Variants in TAS1R2 observed in about 807,000 individuals in gnomAD.
TAS1R2 encodes taste 1 receptor member 2.
Under a neutral mutation model 49.3 loss-of-function variants are expected in TAS1R2, and 47 were observed. The observed-to-expected ratio is 0.95, with a 90% confidence interval of 0.75 to 1.22. The LOEUF (loss-of-function observed/expected upper bound fraction) is 1.22, where lower values mean the gene tolerates loss of function less well. Among genes scored for constraint, TAS1R2 ranks in the 50% most tolerant of loss-of-function variants. TAS1R2 has a pLI of 0.00. For synonymous variants in TAS1R2, 479 were observed against 467.9 expected (o/e 1.02, Z -0.31); for missense variants, 1,155 against 1,122.1 (o/e 1.03, Z -0.42).
chr1:18,845,579 C>T (rs1933903586), intron 4 of TAS1R2, among the ~76,000 whole-genome samples: 1 of 152,200 alleles, frequency 6.6e-6, no homozygotes, highest in African/African-American at 2.4e-5. Flanking sequence ...CTACGATTAC[C>T]ATGTGGTCAT....
chr1:18,857,329 A>T lies in TAS1R2; in HGVS notation c.483+2T>A. 1 of 1,612,366 alleles carries T rather than the reference A, an allele frequency of 6.2e-7. No individual in the cohort carries two copies. Among genetic ancestry groups the T allele is most frequent in the South Asian group, 1.1e-5 (1 of 91,044 alleles). On this transcript the variant is annotated splice_donor_variant, in intron 2 of 5. Transcript: ENST00000375371. LOFTEE classifies it high-confidence loss of function. ...TCCTTCTCCAGGGCCCAGGGGCCTC[A>T]CCTGTGGAAGGAGAAATAGGGAGAG...
At chr1:18,840,280 C>T in exon 6 of TAS1R2, 1 of 1,614,082 alleles carries the variant, frequency 6.2e-7, no homozygotes, top group Non-Finnish European at 8.5e-7. Context: ...CCATGTATGC[C>T]ACCAGCAGCA....
intron 5 of TAS1R2, 64 bp downstream of exon 5, chr1:18,841,665 A>G: frequency 6.4e-7 from 1 of 1,569,990 alleles, no homozygotes. Context: ...AGCCCTAGAG[A>G]CTCCAGGGGC....
At chr1:18,840,428 G>A in exon 6 of TAS1R2, 1 of 1,614,188 alleles carries the variant, frequency 6.2e-7, no homozygotes, top group Non-Finnish European at 8.5e-7. Context: ...GATGGTGGGT[G>A]CCTCATGCCA....
chr1:18,854,570 G>A lies in TAS1R2; in HGVS notation c.900C>T (p.Ala300=), dbSNP rs1316780639. 3 of 1,613,682 alleles carry A rather than the reference G, an allele frequency of 1.9e-6. No individual in the cohort carries two copies. Among genetic ancestry groups the A allele is most frequent in the South Asian group, 1.1e-5 (1 of 91,076 alleles). ...CCGGGTCGATGGCCCAGGACTCGGA[G>A]GCGATCCACACGGCGCCAGTGAAGT... Residue 300 remains alanine, a synonymous_variant, in exon 3 of 6, where the codon GCC becomes GCT. Transcript: ENST00000375371. This position sits in a 1 kb window ranked among gnomAD's most constrained non-coding sequence, Gnocchi z 4.9.
intron 4 of TAS1R2, among the ~76,000 whole-genome samples, chr1:18,845,939 T>G (rs1475224422): frequency 2.0e-5 from 3 of 152,140 alleles, no homozygotes; most frequent in Non-Finnish European, 2.9e-5. Flanking sequence ...AGTGACAACT[T>G]TGGGTAGTGG....
At chr1:18,844,328 A>C (rs1463557735) in intron 4 of TAS1R2, among the ~76,000 whole-genome samples, 1 of 152,220 alleles carries the variant, frequency 6.6e-6, no homozygotes, top group African/African-American at 2.4e-5. Context: ...GGAAGAATGG[A>C]GACAAAGTTG....
chr1:18,859,458 AG>A lies in TAS1R2; in HGVS notation c.182+20del, dbSNP rs1014832038. 1 of 1,613,314 alleles carries A rather than the reference AG, an allele frequency of 6.2e-7. No individual in the cohort carries two copies. The highest frequency in any genetic ancestry group is 1.7e-5 in the Admixed American group (1 of 60,000). ...CCACCCCATCCCCACTGCCACTTCCAGCCCCACACTGGAGACTCACTCCTTG... is the reference window on the plus strand; with the variant it reads ...CCACCCCATCCCCACTGCCACTTCCACCCCACACTGGAGACTCACTCCTTG... On this transcript the variant is annotated intron_variant, in intron 1 of 5. Transcript: ENST00000375371.
At chr1:18,842,767 G>A (rs1933851494) in intron 4 of TAS1R2, among the ~76,000 whole-genome samples, 1 of 152,192 alleles carries the variant, frequency 6.6e-6, no homozygotes, top group African/African-American at 2.4e-5. Context: ...ACATAAAGTA[G>A]AAGGATGGTT....
At chr1:18,857,021 G>C (rs1009617451) in intron 2 of TAS1R2, among the ~76,000 whole-genome samples, 1 of 152,202 alleles carries the variant, frequency 6.6e-6, no homozygotes, top group African/African-American at 2.4e-5. Context: ...ACAGTCCTGG[G>C]ATGGAACGCT....
At chr1:18,839,824 G>A (rs746667689) in exon 6 of TAS1R2, 1 of 1,614,268 alleles carries the variant, frequency 6.2e-7, no homozygotes, top group Admixed American at 1.7e-5. Flanking sequence ...AGAAGGTCAT[G>A]CTGAGGGTGA....
rs1934079945 is a variant in TAS1R2, at chr1:18,854,032, ACTAT to A, written c.1257+177_1257+180del. 6.6e-6 allele frequency among the ~76,000 whole-genome samples: 1 copy of A among 152,278 alleles called. No homozygotes were observed. The highest frequency in any genetic ancestry group is 2.4e-5 in the African/African-American group (1 of 41,566). On this transcript the variant is annotated intron_variant, in intron 3 of 5. Coordinates refer to ENST00000375371, the Ensembl canonical transcript of TAS1R2. The surrounding 1 kb of genome is among the most constrained non-coding windows in gnomAD (Gnocchi z 4.9). ...CACCTGAATCTCCCAAGAACAGACT[ACTAT>A]CTTGAATGGTGAGTGTTCAATTAAT...
At chr1:18,849,179 G>A in intron 4 of TAS1R2, 162 bp downstream of exon 4, 1 of 764,474 alleles carries the variant, frequency 1.3e-6, no homozygotes, top group Non-Finnish European at 2.1e-6. Context: ...AATCAATGGG[G>A]GAAGGAAAGG....
At chr1:18,850,024 G>A (rs1189636375) in intron 3 of TAS1R2, among the ~76,000 whole-genome samples, 1 of 152,130 alleles carries the variant, frequency 6.6e-6, no homozygotes, top group African/African-American at 2.4e-5. Context: ...CACTGTCTCT[G>A]TCACCTGCAA....
At chr1:18,856,517 C>T (rs905345102) in intron 2 of TAS1R2, among the ~76,000 whole-genome samples, 2 of 152,208 alleles carry the variant, frequency 1.3e-5, no homozygotes, top group South Asian at 2.1e-4. Flanking sequence ...TTCTGTCTCT[C>T]TCCACTAGAA....
chr1:18,853,278 G>C (rs1311714671), intron 3 of TAS1R2, among the ~76,000 whole-genome samples: 1 of 152,152 alleles, frequency 6.6e-6, no homozygotes. Context: ...GAGGAGTAAA[G>C]CACCCATGAT....
In TAS1R2 at chr1:18,854,955, C is replaced by G. The variant is rs369987861; in HGVS notation, c.515G>C (p.Arg172Pro). 1.2e-6 allele frequency: 2 copies of G among 1,606,446 alleles called. No homozygotes were observed. Among genetic ancestry groups the G allele is most frequent in the Non-Finnish European group, 1.7e-6 (2 of 1,173,652 alleles). Residue 172 changes from arginine (R) to proline (P), a missense_variant, in exon 3 of 6, where the codon CGA becomes CCA. Arg to Pro is a moderately radical substitution (Grantham distance 103). Coordinates refer to ENST00000375371, the Ensembl canonical transcript of TAS1R2. The surrounding 1 kb of genome is among the most constrained non-coding windows in gnomAD (Gnocchi z 4.9). ...CAAAGCCGGGAAGCGCACCTTGTCT[C>G]GCAGCTCATCGCTGATGGCGCTGTA...
intron 1 of TAS1R2, among the ~76,000 whole-genome samples, chr1:18,858,109 C>T (rs547792172): frequency 2.0e-5 from 3 of 152,012 alleles, no homozygotes; most frequent in African/African-American, 7.2e-5. Context: ...ACCACCATCA[C>T]CACCACCATT....
exon 6 of TAS1R2, chr1:18,840,238 G>A (rs910751794): frequency 1.2e-6 from 2 of 1,614,080 alleles, no homozygotes; most frequent in Non-Finnish European, 1.7e-6. Context: ...GGCAGGTGGA[G>A]ACCTTGGGCG....
Sources: gnomAD v4.1 joint callset for allele counts (sites outside exome capture counted in the v4.1 genomes callset) on GRCh38, gnomAD v4.1.1 for gene constraint, Gnocchi (gnomAD v3.1) non-coding constraint, MANE v1.5 for transcripts, NCBI Gene and HGNC (gene_info 2026-07-23, HGNC 2026-07-21) for gene names.